The following FBXW11 variants were observed in gnomAD, a reference collection of about 807,000 sequenced individuals.
FBXW11 encodes the protein F-box and WD repeat domain containing 11, also known as F-box/WD repeat-containing protein 11.
A neutral mutation model predicts 77.6 loss-of-function variants in FBXW11; 19 were observed. The ratio of observed to expected loss-of-function variants is 0.24; its 90% confidence interval spans 0.17 to 0.36. FBXW11 has a LOEUF of 0.36. Ranked by LOEUF, FBXW11 falls within the 10% of genes least tolerant of loss-of-function variation. FBXW11 has a pLI of 1.00. For synonymous variants in FBXW11, 235 were observed against 249.4 expected (o/e 0.94, Z 0.54); for missense variants, 334 against 704.2 (o/e 0.47, Z 5.95).
intron 2 of FBXW11, among the ~76,000 whole-genome samples, chr5:171,941,671 G>C (rs1455153447): frequency 6.6e-6 from 1 of 151,750 alleles, no homozygotes; most frequent in Non-Finnish European, 1.5e-5. Flanking sequence ...AAAAGGTTCT[G>C]TGTGTTATAC....
At chr5:171,892,869 A>G (rs1203916365) in intron 6 of FBXW11, among the ~76,000 whole-genome samples, 1 of 152,206 alleles carries the variant, frequency 6.6e-6, no homozygotes, top group Non-Finnish European at 1.5e-5. Flanking sequence ...CTGTACAGCT[A>G]AAAGTCTAAT....
At chr5:172,005,773 G>C (rs1009034768) in intron 1 of FBXW11, among the ~76,000 whole-genome samples, 2 of 152,112 alleles carry the variant, frequency 1.3e-5, no homozygotes, top group Non-Finnish European at 2.9e-5. Flanking sequence ...CTCTTTCCTG[G>C]AGGATGGAAT....
intron 2 of FBXW11, among the ~76,000 whole-genome samples, chr5:171,931,724 T>C (rs1188173582): frequency 6.6e-6 from 1 of 151,978 alleles, no homozygotes; most frequent in Non-Finnish European, 1.5e-5. Flanking sequence ...TGAAAAAATA[T>C]GCCACAAACT....
intron 2 of FBXW11, among the ~76,000 whole-genome samples, chr5:171,929,835 G>C (rs930295100): frequency 2.6e-5 from 4 of 152,208 alleles, no homozygotes; most frequent in South Asian, 4.1e-4. Context: ...CTAGGCGAGA[G>C]AGCGAGACTC....
Position 171,951,619 on chromosome 5 carries a change from T to C in FBXW11, c.147+5978A>G, listed in dbSNP as rs1178689850. Among the ~76,000 whole-genome samples, 4 of 152,064 alleles carry C rather than the reference T, an allele frequency of 2.6e-5. No homozygotes were observed. The East Asian group carries it at 7.7e-4, about 29-fold the overall frequency. Reference sequence around the variant, plus strand: ...AAGCCCTGTGATGTAGCCTCCCGAGTAGCTGAGATTACAGGTGCATGCCAC... The same window carrying C: ...AAGCCCTGTGATGTAGCCTCCCGAGCAGCTGAGATTACAGGTGCATGCCAC... On this transcript the variant is annotated intron_variant, in intron 2 of 13. Coordinates refer to ENST00000517395, the MANE Select transcript of FBXW11 (RefSeq NM_001378974.1).
chr5:171,937,585 C>T (rs1430004606), intron 2 of FBXW11, among the ~76,000 whole-genome samples: 1 of 152,032 alleles, frequency 6.6e-6, no homozygotes, highest in Non-Finnish European at 1.5e-5. Flanking sequence ...CCTGTAATCC[C>T]AGCATTTTGG....
intron 1 of FBXW11, among the ~76,000 whole-genome samples, chr5:171,970,799 CTCT>C (rs1425004528): frequency 6.6e-6 from 1 of 152,142 alleles, no homozygotes; most frequent in Non-Finnish European, 1.5e-5. Context: ...TTTACACTTG[CTCT>C]TCTTCATATA....
At chr5:171,906,615 C>T (rs754514579) in intron 4 of FBXW11, among the ~76,000 whole-genome samples, 4 of 152,116 alleles carry the variant, frequency 2.6e-5, no homozygotes, top group Non-Finnish European at 5.9e-5. Context: ...CCAATAGATG[C>T]CAGGCATATT....
rs188471815 is a variant in FBXW11 at position 171,955,984 on chromosome 5, T to C, written c.147+1613A>G. Among the ~76,000 whole-genome samples the C allele has an allele frequency of 8.5e-5, 13 of 152,300 alleles. No homozygotes were observed. In the South Asian group the frequency reaches 2.1e-3, roughly 24 times the overall value. On this transcript the variant is annotated intron_variant, in intron 2 of 13. Coordinates refer to ENST00000517395, the MANE Select transcript of FBXW11 (RefSeq NM_001378974.1). Reference sequence around the variant, plus strand: ...CTCACAATACTGTTACTAAAATATATTGAATGATGCCTTCCATTGGCCAAT... The same window carrying C: ...CTCACAATACTGTTACTAAAATATACTGAATGATGCCTTCCATTGGCCAAT...
chr5:171,863,230 C>CA lies in FBXW11; in HGVS notation c.*896dup, dbSNP rs1169897192. On this transcript the variant is annotated 3_prime_UTR_variant, in exon 14 of 14. Transcript: ENST00000517395. ...AGGAAGGGTTCTAGGTAATCCACAT[C>CA]AACCCAGGTATCAGGTTCTTGAGCC... The CA allele has an allele frequency of 6.5e-6, 1 of 152,706 alleles. No individual in the cohort carries two copies. Among genetic ancestry groups the CA allele is most frequent in the African/African-American group, 2.4e-5 (1 of 41,448 alleles). 9.5% of individuals were successfully genotyped at this position (152,706 alleles called of 1,614,324 possible). A position where few individuals can be genotyped will look rare whatever the true frequency, so the allele number is the denominator to read the frequency against.
intron 1 of FBXW11, among the ~76,000 whole-genome samples, chr5:171,971,120 T>C (rs1764506406): frequency 6.6e-6 from 1 of 152,216 alleles, no homozygotes; most frequent in African/African-American, 2.4e-5. Context: ...TCTTAAAATA[T>C]TTTTCTAGTC....
Position 171,870,731 on chromosome 5 carries a change from A to G in FBXW11, c.1451+17T>C, listed in dbSNP as rs777554209. 6.4e-7 allele frequency: 1 copy of G among 1,567,302 alleles called. No individual in the cohort carries two copies. The highest frequency in any genetic ancestry group is 8.8e-7 in the Non-Finnish European group (1 of 1,137,560). Reference sequence around the variant, plus strand: ...GATACAGTTATAGCAGTACATCTGAAAATCTGAAAGACATACCCATCATAG... The same window carrying G: ...GATACAGTTATAGCAGTACATCTGAGAATCTGAAAGACATACCCATCATAG... On this transcript the variant is annotated intron_variant, in intron 11 of 13. Coordinates refer to ENST00000517395, the MANE Select transcript of FBXW11 (RefSeq NM_001378974.1).
Position 171,863,574 on chromosome 5 carries a change from CAG to C in FBXW11, c.*551_*552del, listed in dbSNP as rs1757211663. On this transcript the variant is annotated 3_prime_UTR_variant, in exon 14 of 14. Coordinates refer to ENST00000517395, the MANE Select transcript of FBXW11 (RefSeq NM_001378974.1). ...TCCCAAAAATATTACTAAAACAATC[CAG>C]AGAAAATTTTCCACTGTCCAACATG... 1 of 152,406 alleles carries C rather than the reference CAG, an allele frequency of 6.6e-6. No individual in the cohort carries two copies. Among genetic ancestry groups the C allele is most frequent in the Non-Finnish European group, 1.5e-5 (1 of 67,986 alleles). 9.4% of individuals were successfully genotyped at this position (152,406 alleles called of 1,614,324 possible).
intron 1 of FBXW11, among the ~76,000 whole-genome samples, chr5:171,961,090 C>T (rs1172878692): frequency 6.6e-6 from 1 of 152,168 alleles, no homozygotes; most frequent in East Asian, 1.9e-4. Context: ...ACATTACTTT[C>T]CCCTTCAGAA....
intron 13 of FBXW11, among the ~76,000 whole-genome samples, chr5:171,866,501 G>C (rs1465818626): frequency 6.6e-6 from 1 of 152,164 alleles, no homozygotes; most frequent in East Asian, 1.9e-4. Flanking sequence ...GGAGGGCCTG[G>C]AGGAAGTAAC....
intron 1 of FBXW11, among the ~76,000 whole-genome samples, chr5:171,973,478 T>C (rs1277736384): frequency 1.3e-5 from 2 of 152,160 alleles, no homozygotes; most frequent in African/African-American, 4.8e-5. Flanking sequence ...CATCCTACAA[T>C]GTACCTGAGT....
chr5:171,974,779 GT>G (rs1764729672), intron 1 of FBXW11, among the ~76,000 whole-genome samples: 1 of 151,120 alleles, frequency 6.6e-6, no homozygotes, highest in African/African-American at 2.4e-5. Flanking sequence ...GCAAAGGTTG[GT>G]TAAGATCCCA....
chr5:171,891,485 T>C lies in FBXW11; in HGVS notation c.834A>G (p.Leu278=), dbSNP rs1313737853. The C allele has an allele frequency of 6.3e-7, 1 of 1,598,024 alleles. No homozygotes were observed. Among genetic ancestry groups the C allele is most frequent in the Non-Finnish European group, 8.5e-7 (1 of 1,173,638 alleles). The change falls in exon 7 of 14, where the codon CTA becomes CTG. Residue 278 remains leucine, a synonymous_variant. Coordinates refer to ENST00000517395, the MANE Select transcript of FBXW11 (RefSeq NM_001378974.1). ...QYDDEKIISG[L]RDNSIKIWDK... is the part of the protein sequence containing the mutation. ...CATTCACCTTAATAGAATTATCTCG[T>C]AGGCCACTGATAATTTTTTCATCAT...
chr5:171,967,869 TATATATATATATATACACACACACACAC>T (rs1203035357), intron 1 of FBXW11, among the ~76,000 whole-genome samples: 4 of 74,244 alleles, frequency 5.4e-5, no homozygotes, highest in South Asian at 4.2e-4. Context: ...TATATATATA[TATATATATATATATACACACACACACAC>T]ACACACACAC....
Sources: allele counts gnomAD v4.1 joint callset (sites outside exome capture counted in the v4.1 genomes callset), GRCh38; gene constraint gnomAD v4.1.1; transcripts MANE v1.5; gene names NCBI Gene and HGNC (gene_info 2026-07-23, HGNC 2026-07-21).